The following ODAD2 variants were observed in gnomAD, a reference collection of about 807,000 sequenced individuals.
ODAD2 encodes the protein outer dynein arm-docking complex subunit 2.
ODAD2 carries 89 observed loss-of-function variants against 106.8 expected under a neutral mutation model. The observed-to-expected ratio is 0.83, with a 90% confidence interval of 0.70 to 0.99. ODAD2 has a LOEUF of 0.99. Ranked by LOEUF, ODAD2 falls within the 50% of genes least tolerant of loss-of-function variation. The pLI, the probability that ODAD2 is intolerant of heterozygous loss-of-function variation, is 0.00. For synonymous variants in ODAD2, 404 were observed against 436.2 expected (o/e 0.93, Z 0.92); for missense variants, 1,168 against 1,238.5 (o/e 0.94, Z 0.85).
chr10:27,836,149 C>A, intron 19 of ODAD2: 1 of 152,210 alleles, frequency 6.6e-6, no homozygotes, highest in South Asian at 2.0e-4. Flanking sequence ...TCATGCTGTT[C>A]AAGGGTCAAC....
At chr10:27,833,463 G>A (rs1470526760) in intron 19 of ODAD2, among the ~76,000 whole-genome samples, 5 of 152,130 alleles carry the variant, frequency 3.3e-5, no homozygotes, top group Non-Finnish European at 2.9e-5. Flanking sequence ...TAGGAACTCA[G>A]CCCCTCCCTG....
At chr10:27,984,384 T>C in intron 4 of ODAD2, 94 bp from the exon 5 acceptor site, 1 of 877,698 alleles carries the variant, frequency 1.1e-6, no homozygotes, top group Non-Finnish European at 1.8e-6. Context: ...AAATATCTTT[T>C]TTGTAATTAA....
chr10:27,947,601 T>C (rs1847028368), intron 10 of ODAD2, among the ~76,000 whole-genome samples: 1 of 152,154 alleles, frequency 6.6e-6, no homozygotes, highest in South Asian at 2.1e-4. Context: ...TCTCTGAATT[T>C]AAATGGTTAA....
chr10:27,979,126 C>G (rs35535377), intron 7 of ODAD2, among the ~76,000 whole-genome samples: 30,135 of 150,444 alleles, frequency 0.2, 3,466 homozygotes, highest in Middle Eastern at 0.29. Context: ...ACGAGAATCA[C>G]TTGAACCCGG....
intron 19 of ODAD2, among the ~76,000 whole-genome samples, chr10:27,823,539 T>C (rs535224310): frequency 1.1e-3 from 164 of 152,310 alleles, no homozygotes; most frequent in African/African-American, 3.7e-3. Flanking sequence ...AATAGTACTT[T>C]CCTAATAAGA....
intron 9 of ODAD2, among the ~76,000 whole-genome samples, chr10:27,965,547 A>G (rs1432825983): frequency 6.6e-6 from 1 of 152,214 alleles, no homozygotes; most frequent in East Asian, 1.9e-4. Context: ...AGGAGGAGAC[A>G]GGACTCATTC....
chr10:27,936,955 A>C, intron 14 of ODAD2, 75 bp from the exon 15 acceptor site: 2 of 1,473,584 alleles, frequency 1.4e-6, no homozygotes, highest in Admixed American at 2.3e-5. Context: ...AAAGGCTGCC[A>C]TTCTAGTAGC....
intron 10 of ODAD2, 100 bp downstream of exon 10, chr10:27,961,468 A>C: frequency 8.3e-7 from 1 of 1,200,012 alleles, no homozygotes; most frequent in South Asian, 1.5e-5. Context: ...TACTACTCTT[A>C]TTTGAAAGAA....
At position 27,971,267 on chromosome 10, in the gene ODAD2, C is replaced by T. The variant is rs1360746628; in HGVS notation, c.983G>A (p.Gly328Asp). 2 of 1,612,766 alleles carry T rather than the reference C, an allele frequency of 1.2e-6. No homozygotes were observed. Among genetic ancestry groups the T allele is most frequent in the Non-Finnish European group, 1.7e-6 (2 of 1,179,488 alleles). ...TGCTTCTTCCTTCTTGGGGGCTTTGCCAAGCTGATCCTTTTCCTTTTGCTG... is the reference window on the plus strand; with the variant it reads ...TGCTTCTTCCTTCTTGGGGGCTTTGTCAAGCTGATCCTTTTCCTTTTGCTG... ...EDQQKEKDQL[G>D]KAPKKEEAAA... The change falls in exon 8 of 20, where the codon GGC (glycine) becomes GAC (aspartate). Residue 328 changes from glycine to aspartate, a missense_variant. Transcript: ENST00000305242.
intron 19 of ODAD2, among the ~76,000 whole-genome samples, chr10:27,852,957 T>A: frequency 2.7e-5 from 2 of 74,378 alleles, no homozygotes; most frequent in Non-Finnish European, 2.4e-5. Context: ...CGAGACACAG[T>A]CTCAAAAAAA....
chr10:27,964,091 G>A (rs544284941), intron 9 of ODAD2, among the ~76,000 whole-genome samples: 10 of 152,282 alleles, frequency 6.6e-5, no homozygotes, highest in South Asian at 2.1e-4. Context: ...GTATGGTGGC[G>A]TGTGCCTCTT....
At chr10:27,936,631 A>G in intron 15 of ODAD2, 95 bp downstream of exon 15, 2 of 1,336,432 alleles carry the variant, frequency 1.5e-6, no homozygotes, top group Non-Finnish European at 2.1e-6. Context: ...TACAACTAAC[A>G]TTAGAATTGA....
At chr10:27,848,061 GA>G (rs1248135457) in intron 19 of ODAD2, among the ~76,000 whole-genome samples, 1 of 152,084 alleles carries the variant, frequency 6.6e-6, no homozygotes, top group African/African-American at 2.4e-5. Flanking sequence ...CACAGAACTG[GA>G]AAAAACTACT....
chr10:27,839,568 T>A (rs993737672), intron 19 of ODAD2, among the ~76,000 whole-genome samples: 1 of 152,228 alleles, frequency 6.6e-6, no homozygotes, highest in South Asian at 2.1e-4. Context: ...TTGTTACTAA[T>A]GTTATTTGCC....
chr10:27,873,041 T>C (rs984328954), intron 17 of ODAD2, among the ~76,000 whole-genome samples: 1 of 134,988 alleles, frequency 7.4e-6, no homozygotes, highest in Non-Finnish European at 1.7e-5. Flanking sequence ...AGAGCAACAA[T>C]TGGTCTATTG....
chr10:27,940,681 G>A lies in ODAD2; in HGVS notation c.1868C>T (p.Thr623Met), dbSNP rs375702916. 4.6e-5 allele frequency: 75 copies of A among 1,613,902 alleles called. No individual in the cohort carries two copies. The highest frequency in any genetic ancestry group is 2.1e-4 in the South Asian group (19 of 91,084). ...AGCTTTGCGGATGGCTTCTTTATTC[G>A]TATGACTCTTACTGCAGCTCCACAG... is the stretch of plus-strand genomic sequence containing the variant. Reference protein sequence around the residue: ...LALWSCSKSHTNKEAIRKAGG... With the variant: ...LALWSCSKSHMNKEAIRKAGG... The change falls in exon 13 of 20, where the codon ACG becomes ATG. Residue 623 changes from threonine (T) to methionine (M), a missense_variant. Thr to Met is a moderately conservative substitution (Grantham distance 81, BLOSUM62 -1). Transcript: ENST00000305242.
chr10:27,914,280 C>G (rs58190321), intron 16 of ODAD2, among the ~76,000 whole-genome samples: 1 of 151,970 alleles, frequency 6.6e-6, no homozygotes, highest in East Asian at 1.9e-4. Context: ...CCTTTAATTA[C>G]GCTGGTGACC....
At chr10:27,908,764 A>G (rs908221971) in intron 16 of ODAD2, among the ~76,000 whole-genome samples, 2 of 32,100 alleles carry the variant, frequency 6.2e-5, no homozygotes, top group African/African-American at 2.3e-4. Flanking sequence ...ACCAGGGGGG[A>G]AAAATGTATT....
chr10:27,909,200 T>C (rs541649714), intron 16 of ODAD2, among the ~76,000 whole-genome samples: 1 of 152,302 alleles, frequency 6.6e-6, no homozygotes, highest in Admixed American at 6.5e-5. Context: ...TGGCCTGCCC[T>C]ATCTTCTTGA....
Sources: gnomAD v4.1 joint callset for allele counts (sites outside exome capture counted in the v4.1 genomes callset) on GRCh38, gnomAD v4.1.1 for gene constraint, MANE v1.5 for transcripts, NCBI Gene and HGNC (gene_info 2026-07-23, HGNC 2026-07-21) for gene names.